PRDM16: variants seen among roughly 807,000 people sequenced by gnomAD.
PRDM16 encodes the protein PR/SET domain 16.
A neutral mutation model predicts 110.6 loss-of-function variants in PRDM16; 23 were observed. The ratio of observed to expected loss-of-function variants is 0.21; its 90% CI spans 0.15 to 0.29. The LOEUF is 0.29. Ranked by LOEUF, PRDM16 falls within the 10% of genes least tolerant of loss-of-function variation. The pLI, the probability that PRDM16 is intolerant of heterozygous loss-of-function variation, is 1.00. For missense variants in PRDM16, 1,615 were observed against 1,794.3 expected (o/e 0.90, Z 1.81); for synonymous variants, 799 against 781.8 (o/e 1.02, Z -0.37).
At chr1:3,092,550 C>A (rs1025755066) in intron 1 of PRDM16, among the ~76,000 whole-genome samples, 4 of 152,236 alleles carry the variant, frequency 2.6e-5, no homozygotes, top group Admixed American at 2.0e-4. Context: ...AAACATCCAG[C>A]ACTCACCATT....
At chr1:3,386,116 C>T (rs963579579) in intron 4 of PRDM16, among the ~76,000 whole-genome samples, 5 of 152,114 alleles carry the variant, frequency 3.3e-5, no homozygotes, top group African/African-American at 1.2e-4. Context: ...GCACTTTCCG[C>T]CTGCATCCTG....
At chr1:3,176,637 CCATCTATCCCCT>C (rs1287821814) in intron 1 of PRDM16, among the ~76,000 whole-genome samples, 3 of 149,282 alleles carry the variant, frequency 2.0e-5, no homozygotes, top group Non-Finnish European at 3.0e-5. Flanking sequence ...ATCCATGTAC[CCATCTATCCCCT>C]CATCTATCCA....
chr1:3,111,811 C>A (rs1336789957), intron 1 of PRDM16, among the ~76,000 whole-genome samples: 2 of 152,242 alleles, frequency 1.3e-5, no homozygotes, highest in Admixed American at 6.5e-5. Flanking sequence ...TATTCTCCTT[C>A]CCCGCAGAAC....
chr1:3,236,076 A>C (rs1639533038), intron 2 of PRDM16, among the ~76,000 whole-genome samples: 1 of 152,118 alleles, frequency 6.6e-6, no homozygotes, highest in Middle Eastern at 3.4e-3. Flanking sequence ...GAGAGCAGGC[A>C]TCCCTGCAGG....
intron 3 of PRDM16, among the ~76,000 whole-genome samples, chr1:3,257,362 G>T (rs963081764): frequency 6.6e-6 from 1 of 152,190 alleles, no homozygotes; most frequent in African/African-American, 2.4e-5. Context: ...GGGCACTGCT[G>T]CTCTAGGCCG....
Position 3,253,925 on chromosome 1 carries a change from A to C in PRDM16, c.438+9788A>C, listed in dbSNP as rs548364265. Among the ~76,000 whole-genome samples the C allele has an allele frequency of 3.5e-3, 529 of 152,142 alleles. 5 individuals are homozygous for C. Among genetic ancestry groups the C allele is most frequent in the African/African-American group, 0.012 (502 of 41,498 alleles). On this transcript the variant is annotated intron_variant, in intron 3 of 16. Transcript: ENST00000270722. ...TCTGACTGGTGTGAGATGGTATCTC[A>C]TTGTGGTTTTGATTTGTATTTCTCT...
At chr1:3,263,086 T>C (rs2100258509) in intron 3 of PRDM16, among the ~76,000 whole-genome samples, 1 of 152,056 alleles carries the variant, frequency 6.6e-6, no homozygotes, top group African/African-American at 2.4e-5. Flanking sequence ...GCTCAGTGTG[T>C]ACCCCAGGGG....
chr1:3,357,289 G>A (rs1000618103), intron 3 of PRDM16, among the ~76,000 whole-genome samples: 4 of 152,082 alleles, frequency 2.6e-5, no homozygotes, highest in Non-Finnish European at 4.4e-5. Context: ...TCCTGAAAAC[G>A]AAGGCTGCAT....
intron 1 of PRDM16, among the ~76,000 whole-genome samples, chr1:3,149,813 G>A (rs934711549): frequency 2.8e-4 from 42 of 152,220 alleles, no homozygotes; most frequent in African/African-American, 1.0e-3. Context: ...GCTGGCTGGG[G>A]ACACAGCAAT....
chr1:3,333,696 G>A (rs1642088309), intron 3 of PRDM16, among the ~76,000 whole-genome samples: 1 of 152,228 alleles, frequency 6.6e-6, no homozygotes, highest in Non-Finnish European at 1.5e-5. Context: ...GTTGAAGTGT[G>A]ATGCCTGATT....
At chr1:3,121,318 G>A (rs904291337) in intron 1 of PRDM16, among the ~76,000 whole-genome samples, 27 of 152,362 alleles carry the variant, frequency 1.8e-4, no homozygotes, top group African/African-American at 6.5e-4. Context: ...TGGTTTGGGG[G>A]CAGGGCACAA....
chr1:3,276,447 G>T lies in PRDM16; in HGVS notation c.438+32310G>T, dbSNP rs568782782. ...GGACTCTGCTCGTGCCCGGCCCTGA[G>T]CTGCCTCTGCTGTGGGAGCCTCTCA... On this transcript the variant is annotated intron_variant, in intron 3 of 16. Transcript: ENST00000270722. 3.3e-4 allele frequency among the ~76,000 whole-genome samples: 50 copies of T among 152,366 alleles called. 1 individual carries two copies. The highest frequency in any genetic ancestry group is 2.9e-3 in the Admixed American group (45 of 15,308).
In PRDM16 at chr1:3,359,919, G is replaced by A. The variant is rs1056289046; in HGVS notation, c.439-25233G>A. Among the ~76,000 whole-genome samples the A allele has an allele frequency of 7.2e-5, 11 of 152,302 alleles. No individual in the cohort carries two copies. Among genetic ancestry groups the A allele is most frequent in the Non-Finnish European group, 1.2e-4 (8 of 68,028 alleles). ...ACGGATGCCGTGTGCACGCAAAGAC[G>A]GCAGCCAGCTCCTCACAGAAGGCCG... On this transcript the variant is annotated intron_variant, in intron 3 of 16. Transcript: ENST00000270722. This position sits in a 1 kb window ranked among gnomAD's most constrained non-coding sequence, Gnocchi z 4.3.
intron 2 of PRDM16, among the ~76,000 whole-genome samples, chr1:3,226,962 AT>A (rs1217757024): frequency 6.6e-6 from 1 of 152,216 alleles, no homozygotes; most frequent in Non-Finnish European, 1.5e-5. Flanking sequence ...TGCTAATTGG[AT>A]TGGTTAATGT....
At chr1:3,181,525 A>G (rs1335485779) in intron 1 of PRDM16, among the ~76,000 whole-genome samples, 1 of 4,268 alleles carries the variant, frequency 2.3e-4, no homozygotes, top group East Asian at 5.4e-3. Context: ...GTCTTACACA[A>G]GCGGTCTTAC....
At chr1:3,119,712 G>A (rs986885896) in intron 1 of PRDM16, among the ~76,000 whole-genome samples, 11 of 152,234 alleles carry the variant, frequency 7.2e-5, no homozygotes, top group South Asian at 2.1e-4. Context: ...TGGGGGTGCC[G>A]TGTTTTGTAC....
rs143827174 is a variant in PRDM16, at chr1:3,437,519, G to C, written c.*3708G>C. The C allele has an allele frequency of 4.4e-5, 10 of 229,112 alleles. No homozygotes were observed. The highest frequency in any genetic ancestry group is 1.3e-4 in the African/African-American group (6 of 45,062). 14.2% of individuals were successfully genotyped at this position (229,112 alleles called of 1,614,324 possible). On this transcript the variant is annotated 3_prime_UTR_variant, in exon 17 of 17. Coordinates refer to ENST00000270722, the MANE Select transcript of PRDM16 (RefSeq NM_022114.4). ...GCTCGCCCCTGCACTGCAGCCTTGTGGGGGAGGGCAAGGCTCTCCTCCCAG... is the reference window on the plus strand; with the variant it reads ...GCTCGCCCCTGCACTGCAGCCTTGTCGGGGAGGGCAAGGCTCTCCTCCCAG...
rs372736819 is a variant in PRDM16, at chr1:3,380,629, G to A, written c.439-4523G>A. ...CTCAAGAACACTGTCCCATGTGGGT[G>A]AGAAACCAGCCGTGTCCCTGTTCAG... On this transcript the variant is annotated intron_variant, in intron 3 of 16. Transcript: ENST00000270722. Among the ~76,000 whole-genome samples the A allele has an allele frequency of 8.5e-5, 13 of 152,320 alleles. No individual in the cohort carries two copies. The East Asian group carries it at 1.2e-3, about 14-fold the overall frequency.
At chr1:3,105,355 C>T (rs531794994) in intron 1 of PRDM16, among the ~76,000 whole-genome samples, 5 of 152,356 alleles carry the variant, frequency 3.3e-5, no homozygotes, top group South Asian at 4.1e-4. Context: ...CACTGCAGCA[C>T]CCTGTGGGTC....
Sources: allele counts gnomAD v4.1 joint callset (sites outside exome capture counted in the v4.1 genomes callset), GRCh38; gene constraint gnomAD v4.1.1; non-coding constraint Gnocchi (gnomAD v3.1); transcripts MANE v1.5; gene names NCBI Gene and HGNC (gene_info 2026-07-23, HGNC 2026-07-21).